Variants in OGA observed in about 807,000 individuals in gnomAD.
The protein encoded by OGA is O-GlcNAcase.
Under a neutral mutation model 102.0 loss-of-function variants are expected in OGA, and 21 were observed. The observed-to-expected ratio is 0.21, with a 90% CI of 0.15 to 0.30. The LOEUF (loss-of-function observed/expected upper bound fraction) is 0.30, where lower values mean the gene tolerates loss of function less well. Among genes scored for constraint, OGA ranks in the 10% least tolerant of loss-of-function variants. OGA has a pLI of 1.00. For missense variants in OGA, 765 were observed against 1,107.8 expected (o/e 0.69, Z 4.39); for synonymous variants, 408 against 378.2 (o/e 1.08, Z -0.91).
In OGA at chr10:101,807,756, G is replaced by C; in HGVS notation, c.626C>G (p.Pro209Arg). ...TGTGGGACAGAAGAGGAAAGTTTCTGGCTCTCCTAGGTACTGATAGATTTC... is the reference window on the plus strand; with the variant it reads ...TGTGGGACAGAAGAGGAAAGTTTCTCGCTCTCCTAGGTACTGATAGATTTC... ...TNEIYQYLGEPETFLFCPTEY... is the reference protein window; with the variant it reads ...TNEIYQYLGERETFLFCPTEY... The change falls in exon 5 of 16, where the codon CCA (proline) becomes CGA (arginine). Residue 209 changes from proline to arginine, a missense_variant. By Grantham distance (103) the Pro-to-Arg change is moderately radical. Coordinates refer to ENST00000361464, the MANE Select transcript of OGA (RefSeq NM_012215.5). 1 of 1,600,096 alleles carries C rather than the reference G, an allele frequency of 6.2e-7. No individual in the cohort carries two copies. Among genetic ancestry groups the C allele is most frequent in the Non-Finnish European group, 8.5e-7 (1 of 1,175,414 alleles).
In OGA at chr10:101,799,227, G is replaced by A. The variant is rs753398816; in HGVS notation, c.1424C>T (p.Thr475Met). 6.2e-6 allele frequency: 10 copies of A among 1,614,136 alleles called. No individual in the cohort carries two copies. Among genetic ancestry groups the A allele is most frequent in the East Asian group, 2.2e-5 (1 of 44,880 alleles). The part of the protein sequence containing the change: ...MDMVVEKQEE[T>M]DHKNDNQILS... ...TATTTGATTGTCATTCTTGTGGTCC[G>A]TTTCTTCTTGTTTTTCCACCACCAT... Residue 475 changes from threonine (T) to methionine (M), a missense_variant, in exon 9 of 16, where the codon ACG becomes ATG. Physicochemically the swap from Thr to Met is moderately conservative, Grantham distance 81. Around this residue, in one of 7 missense-constraint regions of OGA, gnomAD observed 281 missense variants for 345.8 expected, o/e 0.81. Coordinates refer to ENST00000361464, the MANE Select transcript of OGA (RefSeq NM_012215.5).
chr10:101,794,067 C>T, intron 10 of OGA, 69 bp from the exon 11 acceptor site: 2 of 1,036,158 alleles, frequency 1.9e-6, no homozygotes, highest in Non-Finnish European at 3.0e-6. Context: ...AAATGTCCAA[C>T]AAACTGACAA....
At chr10:101,817,341 A>G (rs1454525780) in intron 1 of OGA, among the ~76,000 whole-genome samples, 3 of 152,182 alleles carry the variant, frequency 2.0e-5, no homozygotes, top group Non-Finnish European at 1.5e-5. Flanking sequence ...GAAGCAACAA[A>G]AATATTCTAA....
Position 101,813,134 on chromosome 10 carries a change from G to A in OGA, c.252-7C>T, listed in dbSNP as rs201738040. ...TAATTCCCATTTCTGGAGCCTTAAG[G>A]AGAAAGAAAATTACATATGTATAAA... On this transcript the variant is annotated splice_polypyrimidine_tract_variant and splice_region_variant and intron_variant, in intron 2 of 15. Transcript: ENST00000361464. The A allele has an allele frequency of 1.9e-6, 3 of 1,579,826 alleles. No individual in the cohort carries two copies. The highest frequency in any genetic ancestry group is 2.2e-5 in the East Asian group (1 of 44,684).
chr10:101,816,991 A>G (rs188825840), intron 1 of OGA, among the ~76,000 whole-genome samples: 38 of 152,340 alleles, frequency 2.5e-4, no homozygotes, highest in African/African-American at 8.7e-4. Context: ...ATTCAAATAC[A>G]TGCTGTAACT....
chr10:101,797,875 G>C, intron 10 of OGA, 105 bp downstream of exon 10: 1 of 1,158,850 alleles, frequency 8.6e-7, no homozygotes, highest in Non-Finnish European at 1.3e-6. Flanking sequence ...GAATTGAAGA[G>C]ACTTGGAAAT....
rs924488879 is a variant in OGA, at chr10:101,805,953, T to C, written c.751+92A>G. On this transcript the variant is annotated intron_variant, in intron 6 of 15. Transcript: ENST00000361464. ...CTGGGCGACAGAGTGAGACTCCGTCTCAAAAAAAAAAGTATTCAATTAACA... is the reference window on the plus strand; with the variant it reads ...CTGGGCGACAGAGTGAGACTCCGTCCCAAAAAAAAAAGTATTCAATTAACA... 5 of 846,380 alleles carry C rather than the reference T, an allele frequency of 5.9e-6. No homozygotes were observed. The Admixed American group carries it at 8.4e-5, about 14-fold the overall frequency. 52.4% of individuals were successfully genotyped at this position (846,380 alleles called of 1,614,324 possible).
At chr10:101,813,452 C>T in intron 2 of OGA, 103 bp downstream of exon 2, 1 of 742,270 alleles carries the variant, frequency 1.3e-6, no homozygotes, top group East Asian at 2.8e-5. Flanking sequence ...ATTGAGAAAC[C>T]ATCAAAATGC....
chr10:101,813,999 T>C (rs2065590582), intron 1 of OGA, among the ~76,000 whole-genome samples: 1 of 152,114 alleles, frequency 6.6e-6, no homozygotes, highest in Non-Finnish European at 1.5e-5. Flanking sequence ...ACAGTAACAA[T>C]TACTTCCTAG....
intron 8 of OGA, among the ~76,000 whole-genome samples, chr10:101,799,699 G>C (rs2065364413): frequency 6.6e-6 from 1 of 152,130 alleles, no homozygotes; most frequent in Non-Finnish European, 1.5e-5. Flanking sequence ...TTGAAAATTT[G>C]TGTCTAAAAA....
chr10:101,802,839 T>A (rs1296139961), intron 7 of OGA, among the ~76,000 whole-genome samples: 1 of 151,420 alleles, frequency 6.6e-6, no homozygotes. Context: ...ATGTCTAAAA[T>A]AAGACTGTAT....
At chr10:101,811,494 G>C (rs1273570382) in intron 3 of OGA, among the ~76,000 whole-genome samples, 1 of 149,260 alleles carries the variant, frequency 6.7e-6, no homozygotes, top group African/African-American at 2.5e-5. Flanking sequence ...CTTGAGTTCA[G>C]GAGTTTGAGA....
rs1225418907 is a variant in OGA, at chr10:101,798,077, G to C, written c.1887C>G (p.Ser629=). ...AAAGAATTGTCCTGTTGGCACAATTGGAGAGCCGAGTGAACATTCCCATCA... is the reference window on the plus strand; with the variant it reads ...AAAGAATTGTCCTGTTGGCACAATTCGAGAGCCGAGTGAACATTCCCATCA... ...GLVMGMFTRL[S]NCANRTILYD... Residue 629 remains serine, a synonymous_variant, in exon 10 of 16, where the codon TCC becomes TCG. Coordinates refer to ENST00000361464, the MANE Select transcript of OGA (RefSeq NM_012215.5). 6.2e-7 allele frequency: 1 copy of C among 1,614,036 alleles called. No homozygotes were observed. Among genetic ancestry groups the C allele is most frequent in the South Asian group, 1.1e-5 (1 of 91,078 alleles).
chr10:101,790,825 T>C lies in OGA; in HGVS notation c.2454+71A>G, dbSNP rs540853311. ...TGTACTTTTCCATTTTAGTAAGTAC[T>C]TTAATAAAAAATAAAAATAAATAAA... On this transcript the variant is annotated intron_variant, in intron 14 of 15. Transcript: ENST00000361464. The C allele has an allele frequency of 3.0e-5, 35 of 1,169,166 alleles. No individual in the cohort carries two copies. In the African/African-American group the frequency reaches 5.1e-4, roughly 17 times the overall value. The allele number at this position is 1,169,166 out of a possible 1,614,324, so 72.4% of individuals were successfully genotyped here. A position where few individuals can be genotyped will look rare whatever the true frequency, so the allele number is the denominator to read the frequency against.
chr10:101,792,494 C>T (rs2065271058), intron 12 of OGA: 1 of 174,090 alleles, frequency 5.7e-6, no homozygotes, highest in African/African-American at 2.4e-5. Flanking sequence ...TGTCAACAGC[C>T]TGTAGATACT....
intron 10 of OGA, among the ~76,000 whole-genome samples, chr10:101,796,263 C>T (rs2065314924): frequency 6.6e-6 from 1 of 152,048 alleles, no homozygotes; most frequent in Non-Finnish European, 1.5e-5. Flanking sequence ...CTATACAGAG[C>T]CTCCCCCCAG....
intron 10 of OGA, among the ~76,000 whole-genome samples, chr10:101,796,663 T>C (rs2065320644): frequency 6.6e-6 from 1 of 152,042 alleles, no homozygotes; most frequent in Admixed American, 6.6e-5. Flanking sequence ...CTCTGCCTCC[T>C]GAGTTCAAGC....
At chr10:101,816,240 G>T (rs577701582) in intron 1 of OGA, among the ~76,000 whole-genome samples, 1 of 152,306 alleles carries the variant, frequency 6.6e-6, no homozygotes, top group East Asian at 1.9e-4. Context: ...TCCAGCCTGG[G>T]CGACAGAGCG....
chr10:101,810,776 C>G (rs1271898129), intron 3 of OGA, among the ~76,000 whole-genome samples: 1 of 152,152 alleles, frequency 6.6e-6, no homozygotes, highest in Non-Finnish European at 1.5e-5. Context: ...GCTCTGTTGC[C>G]CAAGGCTGGA....
Sources: gnomAD v4.1 joint callset for allele counts (sites outside exome capture counted in the v4.1 genomes callset) on GRCh38, gnomAD v4.1.1 for gene constraint, gnomAD v4.1.1 regional missense constraint, MANE v1.5 for transcripts, NCBI Gene and HGNC (gene_info 2026-07-23, HGNC 2026-07-21) for gene names.